The following CYP2J2 variants were observed in gnomAD, a reference collection of about 807,000 sequenced individuals.
The protein encoded by CYP2J2 is cytochrome P450 2J2.
Under a neutral mutation model 48.8 loss-of-function variants are expected in CYP2J2, and 41 were observed. That is an observed-to-expected ratio of 0.84 (90% CI 0.66 to 1.09). The LOEUF (loss-of-function observed/expected upper bound fraction) is 1.09, where lower values mean the gene tolerates loss of function less well. Ranked by LOEUF, CYP2J2 falls within the 50% of genes least tolerant of loss-of-function variation. The probability of loss-of-function intolerance (pLI) is 0.00; values close to 1 mark genes in which losing one functional copy is unlikely to be tolerated. For missense variants in CYP2J2, 644 were observed against 617.3 expected (o/e 1.04, Z -0.46); for synonymous variants, 221 against 227.1 (o/e 0.97, Z 0.24).
Position 59,926,678 on chromosome 1 carries a change from C to T in CYP2J2, c.69G>A (p.Leu23=). Residue 23 remains leucine, a synonymous_variant, in exon 1 of 9, where the codon CTG becomes CTA. Transcript: ENST00000371204. ...CAGCGAGCAGAAAGGCGACAGTGCC[C>T]AGTAGGAGAGTCCGAGGATGGACCA... ...WAVVHPRTLL[L]GTVAFLLAAD... is the part of the protein sequence containing the mutation. The T allele has an allele frequency of 6.2e-7, 1 of 1,614,166 alleles. No homozygotes were observed. The highest frequency in any genetic ancestry group is 8.5e-7 in the Non-Finnish European group (1 of 1,180,016).
chr1:59,895,714 TA>T (rs1376119921), intron 8 of CYP2J2, among the ~76,000 whole-genome samples: 1 of 152,206 alleles, frequency 6.6e-6, no homozygotes. Context: ...GTTAGTTACA[TA>T]TGTATACATG....
chr1:59,899,521 C>T (rs549234980), intron 8 of CYP2J2, among the ~76,000 whole-genome samples: 5 of 152,166 alleles, frequency 3.3e-5, no homozygotes, highest in East Asian at 3.9e-4. Context: ...GATCTTGTCT[C>T]GGAACATCAA....
chr1:59,912,381 A>G (rs1644425895), intron 2 of CYP2J2, 70 bp from the exon 3 acceptor site: 13 of 1,496,510 alleles, frequency 8.7e-6, no homozygotes, highest in Non-Finnish European at 1.1e-5. Context: ...ATGATATGGG[A>G]ATGTGTATCA....
intron 7 of CYP2J2, among the ~76,000 whole-genome samples, chr1:59,902,475 G>A (rs1039993268): frequency 1.7e-4 from 26 of 151,860 alleles, no homozygotes; most frequent in African/African-American, 6.3e-4. Context: ...AGGCTGGAGT[G>A]CAGTGTGTCG....
At chr1:59,944,572 T>C in the CYP2J2 span, among the ~76,000 whole-genome samples, 5 of 152,172 alleles carry the variant, frequency 3.3e-5, no homozygotes, top group African/African-American at 4.8e-5. Context: ...AGGAGAACTA[T>C]TGGGCAAAAG....
At chr1:59,934,280 T>A in the CYP2J2 span, among the ~76,000 whole-genome samples, 1 of 151,970 alleles carries the variant, frequency 6.6e-6, no homozygotes, top group Non-Finnish European at 1.5e-5. Context: ...ACCCTAAAGC[T>A]CCTAGAAGAA....
chr1:59,967,460 C>T, the CYP2J2 span, among the ~76,000 whole-genome samples: 2 of 152,366 alleles, frequency 1.3e-5, no homozygotes, highest in East Asian at 1.9e-4. Flanking sequence ...GCAGCAGGGA[C>T]AGGGATTCTG....
rs1574241803 is a variant in CYP2J2, at chr1:59,893,430, A to G, written c.*221T>C. 1 of 445,754 alleles carries G rather than the reference A, an allele frequency of 2.2e-6. No individual in the cohort carries two copies. Among genetic ancestry groups the G allele is most frequent in the South Asian group, 6.8e-5 (1 of 14,618 alleles). 27.6% of individuals were successfully genotyped at this position (445,754 alleles called of 1,614,324 possible). Reference sequence around the variant, plus strand: ...ACATTATCCTCTTTTCATCTCCTAGATAAAAAGGTAAATTATTTAGCATAT... The same window carrying G: ...ACATTATCCTCTTTTCATCTCCTAGGTAAAAAGGTAAATTATTTAGCATAT... On this transcript the variant is annotated 3_prime_UTR_variant, in exon 9 of 9. Coordinates refer to ENST00000371204, the MANE Select transcript of CYP2J2 (RefSeq NM_000775.4).
chr1:59,897,413 G>T (rs188774049), intron 8 of CYP2J2, among the ~76,000 whole-genome samples: 2 of 152,282 alleles, frequency 1.3e-5, no homozygotes, highest in East Asian at 3.9e-4. Flanking sequence ...TCCTAACCAT[G>T]TTACACGGCT....
chr1:59,955,265 CATATATATATATCCATAT>C, the CYP2J2 span, among the ~76,000 whole-genome samples: 13 of 23,952 alleles, frequency 5.4e-4, no homozygotes, highest in Non-Finnish European at 1.1e-3. Flanking sequence ...TATATATATC[CATATATATATATCCATAT>C]ATATATATCC....
chr1:59,936,059 G>A, the CYP2J2 span, among the ~76,000 whole-genome samples: 4 of 152,138 alleles, frequency 2.6e-5, no homozygotes, highest in Admixed American at 6.6e-5. Context: ...GAGCCACTGC[G>A]TCTGGCCCAG....
At chr1:59,897,777 C>T (rs1352688400) in intron 8 of CYP2J2, among the ~76,000 whole-genome samples, 6 of 152,108 alleles carry the variant, frequency 3.9e-5, no homozygotes. Context: ...GCAATAAAAA[C>T]TTTGAAACCT....
chr1:59,941,010 A>G, the CYP2J2 span, among the ~76,000 whole-genome samples: 1 of 152,214 alleles, frequency 6.6e-6, no homozygotes, highest in Non-Finnish European at 1.5e-5. Context: ...GGGATGAAGG[A>G]GAAAGAGAGG....
upstream of CYP2J2, among the ~76,000 whole-genome samples, chr1:59,929,979 GA>G (rs144051946): frequency 0.11 from 16,701 of 152,112 alleles, 1,175 homozygotes; most frequent in Admixed American, 0.17. Context: ...TAAAAATACT[GA>G]AAGACAAAGA....
intron 6 of CYP2J2, among the ~76,000 whole-genome samples, chr1:59,906,817 T>C (rs1375495798): frequency 1.3e-5 from 2 of 152,178 alleles, no homozygotes; most frequent in Non-Finnish European, 2.9e-5. Flanking sequence ...AAAGCATACA[T>C]TATGCAACTA....
rs771302971 is a variant in CYP2J2 at position 59,907,943 on chromosome 1, T to C, written c.862-16A>G. 2 of 1,613,280 alleles carry C rather than the reference T, an allele frequency of 1.2e-6. No individual in the cohort carries two copies. The highest frequency in any genetic ancestry group is 1.1e-5 in the South Asian group (1 of 91,030). The stretch of plus-strand genomic sequence containing the variant: ...TGCCTGTGTGCTAGAAAACACAATG[T>C]TTGATGTTATTTATTGGTTTATTCA... On this transcript the variant is annotated splice_polypyrimidine_tract_variant and intron_variant, in intron 5 of 8. Transcript: ENST00000371204.
At chr1:59,905,752 G>A (rs1644359392) in intron 6 of CYP2J2, among the ~76,000 whole-genome samples, 1 of 152,202 alleles carries the variant, frequency 6.6e-6, no homozygotes, top group South Asian at 2.1e-4. Context: ...ATGAACTGAT[G>A]TTTTGAGATT....
At chr1:59,922,358 A>C (rs572080978) in intron 1 of CYP2J2, among the ~76,000 whole-genome samples, 1 of 152,366 alleles carries the variant, frequency 6.6e-6, no homozygotes, top group Non-Finnish European at 1.5e-5. Context: ...ATGAAAACTG[A>C]CATAAAAATA....
chr1:59,952,570 G>C, the CYP2J2 span, among the ~76,000 whole-genome samples: 1 of 152,148 alleles, frequency 6.6e-6, no homozygotes, highest in African/African-American at 2.4e-5. Flanking sequence ...CTTCCCAGAA[G>C]GGGGAGACTG....
Sources: allele counts gnomAD v4.1 joint callset (sites outside exome capture counted in the v4.1 genomes callset), GRCh38; gene constraint gnomAD v4.1.1; transcripts MANE v1.5; gene names NCBI Gene and HGNC (gene_info 2026-07-23, HGNC 2026-07-21).